Variants in SRRM2 observed in about 807,000 individuals in gnomAD.
SRRM2 encodes serine/arginine repetitive matrix protein 2.
SRRM2 carries 30 observed loss-of-function variants against 213.8 expected under a neutral mutation model. That is an observed-to-expected ratio of 0.14 (90% CI 0.10 to 0.19). The LOEUF (loss-of-function observed/expected upper bound fraction) is 0.19. Among genes scored for constraint, SRRM2 ranks in the 10% least tolerant of loss-of-function variants. The pLI, the probability that SRRM2 is intolerant of heterozygous loss-of-function variation, is 1.00. For missense variants in SRRM2, 4,904 were observed against 3,647.0 expected (o/e 1.34, Z -8.88); for synonymous variants, 2,025 against 1,377.7 (o/e 1.47, Z -10.40).
rs144124351 is a variant in SRRM2, at chr16:2,762,843, G to T, written c.2315G>T (p.Arg772Leu). Residue 772 changes from arginine to leucine, a missense_variant, in exon 11 of 15, where the codon CGC becomes CTC. Physicochemically the swap from Arg to Leu is moderately radical, Grantham distance 102. Coordinates refer to ENST00000301740, the MANE Select transcript of SRRM2 (RefSeq NM_016333.4). The part of the protein sequence containing the change: ...LSSPRSKAKS[R>L]LSLRRSLSGS... ...TCACCACGGTCCAAAGCAAAATCTC[G>T]CTTGTCTTTGAGGCGCAGCCTTTCA... The T allele has an allele frequency of 1.2e-6, 2 of 1,614,146 alleles. No homozygotes were observed. Among genetic ancestry groups the T allele is most frequent in the Non-Finnish European group, 1.7e-6 (2 of 1,180,024 alleles).
rs1020540178 is a variant in SRRM2 at position 2,767,320 on chromosome 16, A to G, written c.6792A>G (p.Ala2264=). Residue 2264 remains alanine (A), a synonymous_variant, in exon 11 of 15, where the codon GCA becomes GCG. Transcript: ENST00000301740. ...TGGCTGACTCTCGAACGCCAGCTGC[A>G]GCAGCGGCCATGAACTTGGCCAGCC... The part of the protein sequence containing the change: ...VNLADSRTPA[A]AAAMNLASPR... The G allele has an allele frequency of 6.2e-7, 1 of 1,613,856 alleles. No individual in the cohort carries two copies. Among genetic ancestry groups the G allele is most frequent in the Non-Finnish European group, 8.5e-7 (1 of 1,180,016 alleles).
intron 1 of SRRM2, among the ~76,000 whole-genome samples, chr16:2,754,586 G>A (rs1208220027): frequency 6.6e-6 from 1 of 152,146 alleles, no homozygotes; most frequent in African/African-American, 2.4e-5. Context: ...CACCGTACCC[G>A]GCCTGGTTTT....
At position 2,770,723 on chromosome 16, in the gene SRRM2, T is replaced by C. The variant is rs766657898; in HGVS notation, c.8249+6T>C. 1.6e-5 allele frequency: 25 copies of C among 1,571,680 alleles called. No homozygotes were observed. The highest frequency in any genetic ancestry group is 2.1e-5 in the Non-Finnish European group (24 of 1,156,276). On this transcript the variant is annotated splice_donor_region_variant and intron_variant, in intron 14 of 14. Transcript: ENST00000301740. Reference sequence around the variant, plus strand: ...ATGAGACACCGCTCCTCCAGGTGCGTGTCCTGGAAGGCTGATGCCCCCTTC... The same window carrying C: ...ATGAGACACCGCTCCTCCAGGTGCGCGTCCTGGAAGGCTGATGCCCCCTTC...
Position 2,763,139 on chromosome 16 carries a change from A to G in SRRM2, c.2611A>G (p.Ser871Gly), listed in dbSNP as rs1258489111. ...GCAATCTGTAACGCCACAGAGACGG[A>G]GCTGTTTTGAATCATCACCTGACCC... ...NEQSVTPQRR[S>G]CFESSPDPEL... is the part of the protein sequence containing the mutation. Residue 871 changes from serine (S) to glycine (G), a missense_variant, in exon 11 of 15, where the codon AGC becomes GGC. Physicochemically the swap from Ser to Gly is moderately conservative, Grantham distance 56. Transcript: ENST00000301740. The G allele has an allele frequency of 1.2e-6, 2 of 1,614,134 alleles. No individual in the cohort carries two copies. Among genetic ancestry groups the G allele is most frequent in the Non-Finnish European group, 1.7e-6 (2 of 1,180,014 alleles).
chr16:2,769,376 TCA>T (rs2068658855), intron 12 of SRRM2, 92 bp downstream of exon 12: 1 of 1,424,544 alleles, frequency 7.0e-7, no homozygotes, highest in Admixed American at 2.3e-5. Flanking sequence ...GCTGGGTGTC[TCA>T]CGTGGCCTTG....
In SRRM2 at chr16:2,766,997, A is replaced by T; in HGVS notation, c.6469A>T (p.Met2157Leu). Residue 2157 changes from methionine (M) to leucine (L), a missense_variant, in exon 11 of 15, where the codon ATG becomes TTG. Coordinates refer to ENST00000301740, the MANE Select transcript of SRRM2 (RefSeq NM_016333.4). The surrounding 1 kb of genome is among the most constrained non-coding windows in gnomAD (Gnocchi z 7.0). ...SVLQQAGGSM[M>L]DGPGPRIPDH... ...CCTGCAGCAAGCCGGCGGCTCCATG[A>T]TGGATGGTCCAGGTCCCCGAATACC... 6.2e-7 allele frequency: 1 copy of T among 1,614,090 alleles called. No homozygotes were observed. The highest frequency in any genetic ancestry group is 8.5e-7 in the Non-Finnish European group (1 of 1,180,008).
Position 2,764,420 on chromosome 16 carries a change from G to A in SRRM2, c.3892G>A (p.Val1298Ile), listed in dbSNP as rs747643358. ...ACAGGCTTCTTTGGAAGCAGTAGAA[G>A]TCCCTTCAATGGCCTCATCTTGGGG... is the stretch of plus-strand genomic sequence containing the variant. ...QSQASLEAVEVPSMASSWGGP... is the reference protein window; with the variant it reads ...QSQASLEAVEIPSMASSWGGP... Residue 1298 changes from valine (V) to isoleucine (I), a missense_variant, in exon 11 of 15, where the codon GTC becomes ATC. By Grantham distance (29) the Val-to-Ile change is conservative. Coordinates refer to ENST00000301740, the MANE Select transcript of SRRM2 (RefSeq NM_016333.4). The A allele has an allele frequency of 6.2e-7, 1 of 1,613,206 alleles. No homozygotes were observed. The highest frequency in any genetic ancestry group is 1.3e-5 in the African/African-American group (1 of 74,912).
Position 2,756,667 on chromosome 16 carries a change from G to A in SRRM2, c.242+61G>A. 2.6e-6 allele frequency: 4 copies of A among 1,542,280 alleles called. 1 individual carries two copies. The South Asian group carries it at 5.0e-5, about 19-fold the overall frequency. On this transcript the variant is annotated intron_variant, in intron 2 of 14. Coordinates refer to ENST00000301740, the MANE Select transcript of SRRM2 (RefSeq NM_016333.4). ...GAGTGCAGAGCTGGGGGTGTTAGGTGGGATGTATAGGGAGCTTAGGGTGGT... is the reference window on the plus strand; with the variant it reads ...GAGTGCAGAGCTGGGGGTGTTAGGTAGGATGTATAGGGAGCTTAGGGTGGT...
In SRRM2 at chr16:2,766,489, T is replaced by G. The variant is rs561064472; in HGVS notation, c.5961T>G (p.Ser1987=). ...ITRRRSRSRT[S]PVTRRRSRSR... is the part of the protein sequence containing the mutation. The stretch of plus-strand genomic sequence containing the variant: ...GCAGAAGATCAAGATCCAGAACATC[T>G]CCGGTCACCCGAAGGAGATCTCGAT... The change falls in exon 11 of 15, where the codon TCT becomes TCG. Residue 1987 remains serine, a synonymous_variant. Transcript: ENST00000301740. This position sits in a 1 kb window ranked among gnomAD's most constrained non-coding sequence, Gnocchi z 7.0. The G allele has an allele frequency of 5.0e-6, 8 of 1,613,508 alleles. No homozygotes were observed. In the African/African-American group the frequency reaches 9.4e-5, roughly 19 times the overall value.
At chr16:2,754,222 A>C (rs927005763) in intron 1 of SRRM2, among the ~76,000 whole-genome samples, 9 of 151,546 alleles carry the variant, frequency 5.9e-5, no homozygotes, top group African/African-American at 2.2e-4. Context: ...GGGGTGGACT[A>C]GGTGGCTCAT....
chr16:2,757,367 T>C (rs1415005402), intron 2 of SRRM2, 105 bp from the exon 3 acceptor site: 1 of 896,370 alleles, frequency 1.1e-6, no homozygotes, highest in East Asian at 2.5e-5. Flanking sequence ...AAGTTCTGTG[T>C]GCGCATGGAG....
chr16:2,759,112 A>C (rs987896693), intron 6 of SRRM2, 28 bp from the exon 7 acceptor site: 4 of 1,613,992 alleles, frequency 2.5e-6, no homozygotes, highest in Admixed American at 1.7e-5. Context: ...GGTGTTTCTT[A>C]TGTTTTTTCT....
chr16:2,756,479 G>C lies in SRRM2; in HGVS notation c.115G>C (p.Glu39Gln). ...RRGERPDYKG[E>Q]EELRRLEAAL... ...GGGTGAGCGGCCTGACTACAAGGGAGAGGAGGAACTGCGGCGCCTGGAGGC... is the reference window on the plus strand; with the variant it reads ...GGGTGAGCGGCCTGACTACAAGGGACAGGAGGAACTGCGGCGCCTGGAGGC... The change falls in exon 2 of 15, where the codon GAG (glutamate) becomes CAG (glutamine). Residue 39 changes from glutamate (E) to glutamine (Q), a missense_variant. Physicochemically the swap from Glu to Gln is conservative, Grantham distance 29. Transcript: ENST00000301740. 1 of 1,613,910 alleles carries C rather than the reference G, an allele frequency of 6.2e-7. No individual in the cohort carries two copies. Among genetic ancestry groups the C allele is most frequent in the Non-Finnish European group, 8.5e-7 (1 of 1,179,922 alleles).
In SRRM2 at chr16:2,763,325, T is replaced by G. The variant is rs751611337; in HGVS notation, c.2797T>G (p.Ser933Ala). The change falls in exon 11 of 15, where the codon TCC becomes GCC. Residue 933 changes from serine to alanine, a missense_variant. Ser to Ala is a moderately conservative substitution (Grantham distance 99). Transcript: ENST00000301740. Reference sequence around the variant, plus strand: ...ACCAAGACAAAGAAGCCATTCTGGCTCCTCTTCTCCAAGTCCTAGTAGGGT... The same window carrying G: ...ACCAAGACAAAGAAGCCATTCTGGCGCCTCTTCTCCAAGTCCTAGTAGGGT... ...ISPRQRSHSG[S>A]SSPSPSRVTS... The G allele has an allele frequency of 1.2e-6, 2 of 1,614,002 alleles. No individual in the cohort carries two copies. The highest frequency in any genetic ancestry group is 2.7e-5 in the African/African-American group (2 of 74,886).
At chr16:2,754,599 T>G (rs2068077221) in intron 1 of SRRM2, among the ~76,000 whole-genome samples, 1 of 152,146 alleles carries the variant, frequency 6.6e-6, no homozygotes, top group East Asian at 1.9e-4. Context: ...CTGGTTTTCC[T>G]TTCTTAAGGA....
Position 2,760,335 on chromosome 16 carries a change from G to C in SRRM2, c.868G>C (p.Ala290Pro). 6.2e-7 allele frequency: 1 copy of C among 1,613,952 alleles called. No homozygotes were observed. The highest frequency in any genetic ancestry group is 8.5e-7 in the Non-Finnish European group (1 of 1,180,028). Reference protein sequence around the residue: ...RSAAAKTHTTALAGRSPSPAS... With the variant: ...RSAAAKTHTTPLAGRSPSPAS... Reference sequence around the variant, plus strand: ...TGCTGCAGCTAAAACTCATACAACTGCCTTGGCTGGGCGAAGTCCTTCCCC... The same window carrying C: ...TGCTGCAGCTAAAACTCATACAACTCCCTTGGCTGGGCGAAGTCCTTCCCC... Residue 290 changes from alanine (A) to proline (P), a missense_variant, in exon 10 of 15, where the codon GCC (alanine) becomes CCC (proline). Ala to Pro is a conservative substitution (Grantham distance 27, BLOSUM62 -1). Coordinates refer to ENST00000301740, the MANE Select transcript of SRRM2 (RefSeq NM_016333.4).
Position 2,771,118 on chromosome 16 carries a change from G to A in SRRM2, c.*251G>A. ...GAGGGAATGCAGATGGGAGTTGGGG[G>A]AGGGGAGGATACAGTTCAGGATACC... On this transcript the variant is annotated 3_prime_UTR_variant, in exon 15 of 15. Coordinates refer to ENST00000301740, the MANE Select transcript of SRRM2 (RefSeq NM_016333.4). 1.6e-6 allele frequency: 1 copy of A among 608,738 alleles called. No individual in the cohort carries two copies. Among genetic ancestry groups the A allele is most frequent in the Non-Finnish European group, 2.9e-6 (1 of 348,572 alleles). 37.7% of individuals were successfully genotyped at this position (608,738 alleles called of 1,614,324 possible).
At position 2,768,107 on chromosome 16, in the gene SRRM2, G is replaced by C; in HGVS notation, c.7579G>C (p.Ala2527Pro). The change falls in exon 11 of 15, where the codon GCA becomes CCA. Residue 2527 changes from alanine to proline, a missense_variant. Transcript: ENST00000301740. ...TTCTGCATTAGCCGCCCTGCAGCCA[G>C]CAAAGGAGCGGCGGAGTTCCTCCTC... ...QPSALAALQP[A>P]KERRSSSSSS... The C allele has an allele frequency of 6.2e-7, 1 of 1,614,150 alleles. No individual in the cohort carries two copies. The highest frequency in any genetic ancestry group is 8.5e-7 in the Non-Finnish European group (1 of 1,180,006).
chr16:2,759,192 T>C lies in SRRM2; in HGVS notation c.689+20T>C, dbSNP rs2068251185. 4.3e-6 allele frequency: 7 copies of C among 1,613,764 alleles called. No individual in the cohort carries two copies. Among genetic ancestry groups the C allele is most frequent in the South Asian group, 1.1e-5 (1 of 91,060 alleles). On this transcript the variant is annotated intron_variant, in intron 7 of 14. Transcript: ENST00000301740. ...GCATAGGTAAGAGCTCTTTAACTCA[T>C]AGGGGGCGCAGTGGCATGTGGAGTG...
Sources: allele counts gnomAD v4.1 joint callset (sites outside exome capture counted in the v4.1 genomes callset), GRCh38; gene constraint gnomAD v4.1.1; non-coding constraint Gnocchi (gnomAD v3.1); transcripts MANE v1.5; gene names NCBI Gene and HGNC (gene_info 2026-07-23, HGNC 2026-07-21).